The following PPP6R2 variants were observed in gnomAD, a reference collection of about 807,000 sequenced individuals.
PPP6R2 encodes protein phosphatase 6 regulatory subunit 2, also known as serine/threonine-protein phosphatase 6 regulatory subunit 2.
A neutral mutation model predicts 100.2 loss-of-function variants in PPP6R2; 62 were observed. That is an observed-to-expected ratio of 0.62 (90% CI 0.50 to 0.76). PPP6R2 has a LOEUF of 0.76. Ranked by LOEUF, PPP6R2 falls within the 30% of genes least tolerant of loss-of-function variation. The pLI, the probability that PPP6R2 is intolerant of heterozygous loss-of-function variation, is 0.00. For missense variants in PPP6R2, 1,142 were observed against 1,276.3 expected (o/e 0.89, Z 1.60); for synonymous variants, 525 against 514.7 (o/e 1.02, Z -0.27).
At chr22:50,394,280 A>G (rs980420270) in intron 3 of PPP6R2, 145 bp downstream of exon 3, 347 of 1,281,968 alleles carry the variant, frequency 2.7e-4, no homozygotes, top group Non-Finnish European at 3.5e-4. Context: ...TGAGGAGGGC[A>G]CTCCCATGGG....
At chr22:50,408,396 T>A (rs2059279247) in intron 4 of PPP6R2, among the ~76,000 whole-genome samples, 1 of 152,154 alleles carries the variant, frequency 6.6e-6, no homozygotes, top group African/African-American at 2.4e-5. Context: ...ATGTGAGTGT[T>A]CAGTGGAATG....
intron 6 of PPP6R2, among the ~76,000 whole-genome samples, chr22:50,418,392 C>CTT (rs140685653): frequency 4.8e-5 from 7 of 146,392 alleles, no homozygotes; most frequent in African/African-American, 1.5e-4. Flanking sequence ...ACATCTTTTT[C>CTT]TTTTTTTTTT....
At position 50,414,505 on chromosome 22, in the gene PPP6R2, G is replaced by T. The variant is rs757927213; in HGVS notation, c.415-47G>T. On this transcript the variant is annotated intron_variant, in intron 4 of 23. Transcript: ENST00000612753. The stretch of plus-strand genomic sequence containing the variant: ...GAGTTTTTGGAGGAGGTGTCTCAGG[G>T]TTGTCAGGGTCGGCCCCGCCTGCCT... 6.9e-6 allele frequency: 11 copies of T among 1,602,434 alleles called. No homozygotes were observed. In the African/African-American group the frequency reaches 1.2e-4, roughly 18 times the overall value.
intron 1 of PPP6R2, among the ~76,000 whole-genome samples, chr22:50,362,723 C>T (rs1429876043): frequency 6.6e-6 from 1 of 152,198 alleles, no homozygotes; most frequent in Non-Finnish European, 1.5e-5. Flanking sequence ...CTGACACCCT[C>T]ATACAAAGAT....
chr22:50,424,361 G>GTCAGCGTGTGGAAGGTCCA (rs2147870209), intron 10 of PPP6R2, among the ~76,000 whole-genome samples: 1 of 148,030 alleles, frequency 6.8e-6, no homozygotes, highest in South Asian at 2.1e-4. Context: ...TGGAAGGTCC[G>GTCAGCGTGTGGAAGGTCCA]TCCGCGTGTG....
intron 3 of PPP6R2, among the ~76,000 whole-genome samples, chr22:50,401,300 G>A (rs569022518): frequency 2.9e-5 from 4 of 138,094 alleles, no homozygotes; most frequent in Non-Finnish European, 4.7e-5. Flanking sequence ...CTTCACCTCC[G>A]GGTTCACGCC....
At chr22:50,339,959 GTGTT>G (rs1241176784), upstream of PPP6R2, among the ~76,000 whole-genome samples, 2 of 125,446 alleles carry the variant, frequency 1.6e-5, no homozygotes, top group African/African-American at 3.0e-5. Flanking sequence ...TAGTGTGTGT[GTGTT>G]GTGTGGTGTG....
chr22:50,404,907 A>C (rs1043242876), intron 3 of PPP6R2, among the ~76,000 whole-genome samples: 2 of 152,036 alleles, frequency 1.3e-5, no homozygotes, highest in African/African-American at 4.8e-5. Flanking sequence ...AGGCCTTGCT[A>C]TGGGGGCTGC....
chr22:50,379,024 C>T (rs1428000344), intron 2 of PPP6R2, among the ~76,000 whole-genome samples: 1 of 152,092 alleles, frequency 6.6e-6, no homozygotes, highest in Non-Finnish European at 1.5e-5. Context: ...AGTGGAGGCA[C>T]CATCTGTGAA....
chr22:50,348,425 G>A (rs1057431587), intron 1 of PPP6R2, among the ~76,000 whole-genome samples: 22 of 152,114 alleles, frequency 1.4e-4, no homozygotes, highest in Non-Finnish European at 2.9e-4. Context: ...GAGAAGAGAG[G>A]TGTGAGAGAA....
intron 4 of PPP6R2, among the ~76,000 whole-genome samples, chr22:50,411,970 A>C (rs981558154): frequency 1.3e-5 from 2 of 148,292 alleles, no homozygotes; most frequent in African/African-American, 5.0e-5. Flanking sequence ...GCATGAACCC[A>C]GGAGGCGGAG....
chr22:50,397,122 C>T (rs2057057945), intron 3 of PPP6R2, among the ~76,000 whole-genome samples: 1 of 152,090 alleles, frequency 6.6e-6, no homozygotes, highest in Non-Finnish European at 1.5e-5. Flanking sequence ...AAGTACAGAA[C>T]CAAGCAAACA....
At chr22:50,346,697 G>A (rs1435083277) in intron 1 of PPP6R2, among the ~76,000 whole-genome samples, 2 of 133,536 alleles carry the variant, frequency 1.5e-5, no homozygotes, top group African/African-American at 5.9e-5. Context: ...CAGTGCCTCC[G>A]CATCTGTCAG....
chr22:50,363,304 T>G (rs2048144363), intron 1 of PPP6R2, among the ~76,000 whole-genome samples: 1 of 152,198 alleles, frequency 6.6e-6, no homozygotes, highest in South Asian at 2.1e-4. Context: ...GCCTTTAAGT[T>G]GCAATCTGTG....
chr22:50,366,934 G>T (rs555204343), intron 1 of PPP6R2, among the ~76,000 whole-genome samples: 1 of 151,784 alleles, frequency 6.6e-6, no homozygotes, highest in Non-Finnish European at 1.5e-5. Flanking sequence ...ACCCTTCACT[G>T]CCTGGCGTCC....
rs759414964 is a variant in PPP6R2 at position 50,438,724 on chromosome 22, G to A, written c.2090G>A (p.Gly697Glu). Residue 697 changes from glycine to glutamate, a missense_variant, in exon 19 of 24, where the codon GGG (glycine) becomes GAG (glutamate). Around this residue, in one of 2 missense-constraint regions of PPP6R2, gnomAD observed 550 missense variants for 517.4 expected, o/e 1.06. Transcript: ENST00000612753. ...GGGGCAGGTGCCCCACCGGCCCCCG[G>A]GAAGAAGGAAGCGCCCCCTGTGGAG... ...APGAGAPPAPGKKEAPPVEGD... is the reference protein window; with the variant it reads ...APGAGAPPAPEKKEAPPVEGD... The A allele has an allele frequency of 6.2e-7, 1 of 1,610,702 alleles. No homozygotes were observed. The highest frequency in any genetic ancestry group is 1.1e-5 in the South Asian group (1 of 90,746).
the PPP6R2 span, among the ~76,000 whole-genome samples, chr22:50,335,877 C>T: frequency 1.4e-5 from 2 of 144,118 alleles, no homozygotes; most frequent in African/African-American, 2.7e-5. Flanking sequence ...GAGGTTTCAC[C>T]ATGTGGGCCG....
At chr22:50,426,623 T>A (rs2062165948) in intron 10 of PPP6R2, among the ~76,000 whole-genome samples, 1 of 152,038 alleles carries the variant, frequency 6.6e-6, no homozygotes, top group Admixed American at 6.6e-5. Flanking sequence ...TCACCTGAGG[T>A]CAGGAGTTTG....
At chr22:50,421,707 T>TC (rs763564736) in intron 8 of PPP6R2, among the ~76,000 whole-genome samples, 1 of 151,966 alleles carries the variant, frequency 6.6e-6, no homozygotes, top group Non-Finnish European at 1.5e-5. Flanking sequence ...GGTCAGGTGA[T>TC]CGAGACCAGC....
Sources: allele counts gnomAD v4.1 joint callset (sites outside exome capture counted in the v4.1 genomes callset), GRCh38; gene constraint gnomAD v4.1.1; regional missense constraint gnomAD v4.1.1; transcripts MANE v1.5; gene names NCBI Gene and HGNC (gene_info 2026-07-23, HGNC 2026-07-21).